LRRC4B: variants seen among roughly 807,000 people sequenced by gnomAD.
The protein encoded by LRRC4B is leucine-rich repeat-containing protein 4B.
A neutral mutation model predicts 7.3 loss-of-function variants in LRRC4B; 1 was observed. The observed-to-expected ratio is 0.14, with a 90% CI of 0.05 to 0.65. The LOEUF is 0.65. LRRC4B is among the 30% of genes least tolerant of loss of function. The pLI, the probability that LRRC4B is intolerant of heterozygous loss-of-function variation, is 0.84. For synonymous variants in LRRC4B, 500 were observed against 499.2 expected (o/e 1.00, Z -0.02); for missense variants, 730 against 1,041.6 (o/e 0.70, Z 4.12).
At chr19:50,558,202 C>CAT in intron 1 of LRRC4B, among the ~76,000 whole-genome samples, 1 of 131,406 alleles carries the variant, frequency 7.6e-6, no homozygotes, top group South Asian at 2.1e-4. Context: ...TGTATACATA[C>CAT]ACACACACAC....
intron 2 of LRRC4B, among the ~76,000 whole-genome samples, chr19:50,530,218 C>T (rs1980994467): frequency 6.6e-6 from 1 of 152,172 alleles, no homozygotes; most frequent in African/African-American, 2.4e-5. Flanking sequence ...TCCTGCTATG[C>T]CAGAGCTGAC....
chr19:50,539,779 C>T (rs985437528), intron 2 of LRRC4B, among the ~76,000 whole-genome samples: 3 of 150,776 alleles, frequency 2.0e-5, no homozygotes, highest in African/African-American at 7.3e-5. Context: ...CCCAGCTACT[C>T]GGGAGGCTGA....
chr19:50,520,951 G>A (rs1328990619), intron 2 of LRRC4B, among the ~76,000 whole-genome samples: 1 of 152,192 alleles, frequency 6.6e-6, no homozygotes, highest in Non-Finnish European at 1.5e-5. Context: ...GGTGTTCACA[G>A]CATTTTTTTC....
chr19:50,531,779 T>C, intron 2 of LRRC4B, among the ~76,000 whole-genome samples: 1 of 152,180 alleles, frequency 6.6e-6, no homozygotes, highest in Non-Finnish European at 1.5e-5. Context: ...CTCACCTCTC[T>C]GAGCCCACTT....
chr19:50,533,486 C>A (rs546797906), intron 2 of LRRC4B, among the ~76,000 whole-genome samples: 14 of 151,596 alleles, frequency 9.2e-5, no homozygotes, highest in African/African-American at 3.4e-4. Context: ...AAGACCAGTT[C>A]ATTCTTCTCT....
At chr19:50,547,001 C>T (rs1016980019) in intron 2 of LRRC4B, among the ~76,000 whole-genome samples, 2 of 152,142 alleles carry the variant, frequency 1.3e-5, no homozygotes, top group African/African-American at 4.8e-5. Context: ...GGTGCAGAGC[C>T]GGTGCTGCCG....
chr19:50,566,233 G>A (rs1391609541), intron 1 of LRRC4B, among the ~76,000 whole-genome samples: 1 of 152,026 alleles, frequency 6.6e-6, no homozygotes, highest in African/African-American at 2.4e-5. Flanking sequence ...GGACCAGGAG[G>A]GAAGCCGGCT....
intron 2 of LRRC4B, among the ~76,000 whole-genome samples, chr19:50,522,623 C>T (rs1041216881): frequency 4.0e-5 from 6 of 151,688 alleles, no homozygotes; most frequent in South Asian, 4.2e-4. Flanking sequence ...ATTACAGGCA[C>T]GCATCAACAC....
Position 50,519,845 on chromosome 19 carries a change from C to T in LRRC4B, c.298-430G>A, listed in dbSNP as rs935523126. On this transcript the variant is annotated intron_variant, in intron 2 of 2. Coordinates refer to ENST00000652263, the MANE Select transcript of LRRC4B (RefSeq NM_001080457.2). The surrounding 1 kb of genome is among the most constrained non-coding windows in gnomAD (Gnocchi z 8.1). ...TCGAGATAGTGCCACTGCACTCCTG[C>T]CTGGGCAACAGAGCAAGACTCCATG... Among the ~76,000 whole-genome samples the T allele has an allele frequency of 5.9e-5, 9 of 151,996 alleles. No homozygotes were observed. Among genetic ancestry groups the T allele is most frequent in the African/African-American group, 2.2e-4 (9 of 41,374 alleles).
chr19:50,564,630 A>G (rs1316143877), intron 1 of LRRC4B, among the ~76,000 whole-genome samples: 1 of 151,940 alleles, frequency 6.6e-6, no homozygotes, highest in Non-Finnish European at 1.5e-5. Context: ...AGGGAAGATG[A>G]GGGGAGATGG....
Position 50,548,540 on chromosome 19 carries a change from A to G in LRRC4B, c.297+2T>C. On this transcript the variant is annotated splice_donor_variant, in intron 2 of 2. Coordinates refer to ENST00000652263, the MANE Select transcript of LRRC4B (RefSeq NM_001080457.2). LOFTEE classifies it high-confidence loss of function. The surrounding 1 kb of genome is among the most constrained non-coding windows in gnomAD (Gnocchi z 6.8). ...CCCCCTCTGCCCGCTGGCCCCGCAT[A>G]CCTGGATGCCGTTCTCTTGCAGGTT... 1 of 1,592,784 alleles carries G rather than the reference A, an allele frequency of 6.3e-7. No homozygotes were observed. The highest frequency in any genetic ancestry group is 8.5e-7 in the Non-Finnish European group (1 of 1,176,358).
chr19:50,521,359 C>A (rs149535791), intron 2 of LRRC4B, among the ~76,000 whole-genome samples: 1 of 151,744 alleles, frequency 6.6e-6, no homozygotes, highest in Admixed American at 6.6e-5. Flanking sequence ...TGACGGAAAG[C>A]GACTGTTAGG....
chr19:50,557,292 G>A (rs1305895187), intron 1 of LRRC4B, among the ~76,000 whole-genome samples: 4 of 152,146 alleles, frequency 2.6e-5, no homozygotes, highest in Non-Finnish European at 5.9e-5. Flanking sequence ...ACGGGGAGAA[G>A]AGAATGCAAA....
In LRRC4B at chr19:50,518,339, G is replaced by C; in HGVS notation, c.1374C>G (p.Pro458=). Residue 458 remains proline, a synonymous_variant, in exon 3 of 3, where the codon CCC becomes CCG. Coordinates refer to ENST00000652263, the MANE Select transcript of LRRC4B (RefSeq NM_001080457.2). Reference sequence around the variant, plus strand: ...CGCTGCCGGTGCCCCCGGCCGCCACGGGGTCCACGGCCGAGACGTTGAGCG... The same window carrying C: ...CGCTGCCGGTGCCCCCGGCCGCCACCGGGTCCACGGCCGAGACGTTGAGCG... The part of the protein sequence containing the change: ...SATLNVSAVD[P]VAAGGTGSGG... 6.2e-7 allele frequency: 1 copy of C among 1,606,250 alleles called. No individual in the cohort carries two copies. The highest frequency in any genetic ancestry group is 2.2e-5 in the East Asian group (1 of 44,724).
chr19:50,535,149 TGACC>T, intron 2 of LRRC4B, among the ~76,000 whole-genome samples: 1 of 152,072 alleles, frequency 6.6e-6, no homozygotes, highest in Admixed American at 6.6e-5. Context: ...ATTACAGGCG[TGACC>T]CACCACGCCC....
In LRRC4B at chr19:50,524,820, G is replaced by C. The variant is rs572093101; in HGVS notation, c.298-5405C>G. Among the ~76,000 whole-genome samples, 304 of 152,294 alleles carry C rather than the reference G, an allele frequency of 2.0e-3. 1 individual carries two copies. The highest frequency in any genetic ancestry group is 6.9e-3 in the African/African-American group (286 of 41,554). Reference sequence around the variant, plus strand: ...CAGTAGCAACGCATGCAGTCCCCGAGCCCAGCCAGCAGCCCCGATGCTGGC... The same window carrying C: ...CAGTAGCAACGCATGCAGTCCCCGACCCCAGCCAGCAGCCCCGATGCTGGC... On this transcript the variant is annotated intron_variant, in intron 2 of 2. Transcript: ENST00000652263.
intron 2 of LRRC4B, among the ~76,000 whole-genome samples, chr19:50,535,159 C>T (rs879812790): frequency 1.9e-4 from 29 of 152,004 alleles, no homozygotes; most frequent in Non-Finnish European, 3.7e-4. Context: ...TGACCCACCA[C>T]GCCCGGCCTG....
At chr19:50,558,858 T>G (rs1299396459) in intron 1 of LRRC4B, among the ~76,000 whole-genome samples, 1 of 152,218 alleles carries the variant, frequency 6.6e-6, no homozygotes, top group East Asian at 1.9e-4. Context: ...CTTATGGGAC[T>G]CATGGAGAAG....
intron 2 of LRRC4B, among the ~76,000 whole-genome samples, chr19:50,520,807 A>G (rs1980542834): frequency 6.6e-6 from 1 of 152,046 alleles, no homozygotes; most frequent in Non-Finnish European, 1.5e-5. Flanking sequence ...AAAACCAAGA[A>G]TTTTGGGATT....
Sources: allele counts gnomAD v4.1 joint callset (sites outside exome capture counted in the v4.1 genomes callset), GRCh38; gene constraint gnomAD v4.1.1; non-coding constraint Gnocchi (gnomAD v3.1); transcripts MANE v1.5; gene names NCBI Gene and HGNC (gene_info 2026-07-23, HGNC 2026-07-21).